NFIC: variants seen among roughly 807,000 people sequenced by gnomAD.
NFIC encodes nuclear factor I C, also known as nuclear factor 1 C-type.
In NFIC, 12 loss-of-function variants were observed where a neutral mutation model predicts 54.4. That is an observed-to-expected ratio of 0.22 (90% CI 0.14 to 0.36). The LOEUF is 0.36. Among genes scored for constraint, NFIC ranks in the 10% least tolerant of loss-of-function variants. The pLI, the probability that NFIC is intolerant of heterozygous loss-of-function variation, is 1.00. For synonymous variants in NFIC, 322 were observed against 319.2 expected, an observed-to-expected ratio of 1.01 and a Z score of -0.09; for missense variants, 575 against 718.2, an observed-to-expected ratio of 0.80 and a Z score of 2.28.
upstream of NFIC, among the ~76,000 whole-genome samples, chr19:3,362,687 A>G (rs1256019163): frequency 2.6e-5 from 4 of 151,846 alleles, no homozygotes; most frequent in Admixed American, 1.3e-4. Flanking sequence ...AACTCACTTG[A>G]CTTTAACATC....
upstream of NFIC, among the ~76,000 whole-genome samples, chr19:3,362,643 A>G (rs1025420727): frequency 1.3e-5 from 2 of 151,856 alleles, no homozygotes; most frequent in East Asian, 1.9e-4. Flanking sequence ...GTGTGTGTCT[A>G]TCTGTACCAG....
At chr19:3,393,280 G>A (rs922283139) in intron 2 of NFIC, among the ~76,000 whole-genome samples, 73 of 152,306 alleles carry the variant, frequency 4.8e-4, no homozygotes, top group Non-Finnish European at 1.0e-4. Context: ...AGGGGAGGTA[G>A]GGCCAGCAAG....
intron 10 of NFIC, among the ~76,000 whole-genome samples, chr19:3,460,812 C>T (rs1242829751): frequency 1.3e-5 from 2 of 152,040 alleles, no homozygotes; most frequent in African/African-American, 2.4e-5. Flanking sequence ...CCGAGCCCAG[C>T]CTCTTGTTTA....
At position 3,464,227 on chromosome 19, in the gene NFIC, GGA is replaced by G. The variant is rs1568207324; in HGVS notation, c.*1464_*1465del. On this transcript the variant is annotated 3_prime_UTR_variant, in exon 11 of 11. Coordinates refer to ENST00000443272, the MANE Select transcript of NFIC (RefSeq NM_001245002.2). ...CGTGCATCACGGCTGGGCCCCCAGAGGAGAGAGGAGGCCGACGCCAGCGGTCC... is the reference window on the plus strand; with the variant it reads ...CGTGCATCACGGCTGGGCCCCCAGAGGAGAGGAGGCCGACGCCAGCGGTCC... 2 of 985,224 alleles carry G rather than the reference GGA, an allele frequency of 2.0e-6. No individual in the cohort carries two copies. The highest frequency in any genetic ancestry group is 3.5e-5 in the African/African-American group (2 of 57,144). 61.0% of individuals were successfully genotyped at this position (985,224 alleles called of 1,614,324 possible). A position where few individuals can be genotyped will look rare whatever the true frequency, so the allele number is the denominator to read the frequency against.
chr19:3,456,783 G>T (rs916568196), intron 10 of NFIC, 148 bp downstream of exon 10: 3 of 774,520 alleles, frequency 3.9e-6, no homozygotes, highest in East Asian at 5.4e-5. Flanking sequence ...TGGGCCTCGA[G>T]CCCCCACCTG....
At chr19:3,418,675 A>C (rs1180187610) in intron 2 of NFIC, among the ~76,000 whole-genome samples, 1 of 152,102 alleles carries the variant, frequency 6.6e-6, no homozygotes, top group East Asian at 1.9e-4. Flanking sequence ...AACATGGCAA[A>C]ATCCTGTCTC....
At chr19:3,378,604 TCA>T (rs1326579386) in intron 1 of NFIC, among the ~76,000 whole-genome samples, 1 of 152,188 alleles carries the variant, frequency 6.6e-6, no homozygotes, top group Non-Finnish European at 1.5e-5. Flanking sequence ...CCTCAAGGCC[TCA>T]GTTTCCTCAT....
intron 7 of NFIC, among the ~76,000 whole-genome samples, chr19:3,451,687 C>T (rs2082465512): frequency 6.6e-6 from 1 of 151,742 alleles, no homozygotes; most frequent in Admixed American, 6.6e-5. Flanking sequence ...GCTTGCCAAC[C>T]CTAGATTTAT....
At chr19:3,427,485 G>GA in intron 3 of NFIC, among the ~76,000 whole-genome samples, 1 of 152,170 alleles carries the variant, frequency 6.6e-6, no homozygotes, top group East Asian at 1.9e-4. Flanking sequence ...ATGAAGCAGA[G>GA]AGAAGAAGAC....
rs1323910995 is a variant in NFIC, at chr19:3,429,248, ATATAT to A, written c.634+4072_634+4076del. Among the ~76,000 whole-genome samples, 538 of 60,212 alleles carry A rather than the reference ATATAT, an allele frequency of 8.9e-3. 72 individuals are homozygous for A. The East Asian group carries it at 0.092, about 10-fold the overall frequency. The allele number at this position is 60,212 out of a possible 152,430, so 39.5% of individuals were successfully genotyped here. A position where few individuals can be genotyped will look rare whatever the true frequency, so the allele number is the denominator to read the frequency against. On this transcript the variant is annotated intron_variant, in intron 3 of 10. Coordinates refer to ENST00000443272, the MANE Select transcript of NFIC (RefSeq NM_001245002.2). ...CTCTACCCCAAAAAAAAAAAAAAAAATATATACACACACACACACACACACACACA... is the reference window on the plus strand; with the variant it reads ...CTCTACCCCAAAAAAAAAAAAAAAAAACACACACACACACACACACACACA...
intron 2 of NFIC, among the ~76,000 whole-genome samples, chr19:3,411,870 A>T (rs2081767279): frequency 6.6e-6 from 1 of 152,168 alleles, no homozygotes; most frequent in African/African-American, 2.4e-5. Context: ...GACCAGCACC[A>T]GGTGCCACAT....
At chr19:3,422,672 A>G (rs1050642961) in intron 2 of NFIC, among the ~76,000 whole-genome samples, 1 of 151,822 alleles carries the variant, frequency 6.6e-6, no homozygotes, top group South Asian at 2.1e-4. Flanking sequence ...AGCCGAGATC[A>G]TGCCACTGCA....
At chr19:3,374,890 C>T (rs888497536) in intron 1 of NFIC, among the ~76,000 whole-genome samples, 2 of 152,102 alleles carry the variant, frequency 1.3e-5, no homozygotes, top group African/African-American at 4.8e-5. Flanking sequence ...GGCAGCAGGT[C>T]CATGACCCAG....
chr19:3,406,089 T>G (rs2081644533), intron 2 of NFIC, among the ~76,000 whole-genome samples: 1 of 151,802 alleles, frequency 6.6e-6, no homozygotes, highest in Admixed American at 6.6e-5. Flanking sequence ...CCCAGCTAAA[T>G]TTGGGTTTTG....
Position 3,381,781 on chromosome 19 carries a change from C to G in NFIC, c.100C>G (p.Leu34Val). The change falls in exon 2 of 11, where the codon CTG becomes GTG. Residue 34 changes from leucine to valine, a missense_variant. Leu to Val is a conservative substitution (Grantham distance 32). This residue lies in a region of NFIC where 122 missense variants were observed against 158.0 expected (regional missense o/e 0.77). Transcript: ENST00000443272. ...CGCCTTCGCCTACACCTGGTTCAAC[C>G]TGCAGGCGCGGAAGCGCAAGTACTT... ...VRAFAYTWFN[L>V]QARKRKYFKK... The G allele has an allele frequency of 6.2e-7, 1 of 1,613,982 alleles. No homozygotes were observed. The highest frequency in any genetic ancestry group is 8.5e-7 in the Non-Finnish European group (1 of 1,179,966).
chr19:3,461,316 G>A (rs567152669), intron 10 of NFIC, among the ~76,000 whole-genome samples: 7 of 152,110 alleles, frequency 4.6e-5, no homozygotes, highest in Non-Finnish European at 1.0e-4. Context: ...CCAGCTACTC[G>A]GGAGGCTGAG....
chr19:3,385,555 G>T lies in NFIC; in HGVS notation c.562+3312G>T, dbSNP rs541649114. 3.4e-5 allele frequency among the ~76,000 whole-genome samples: 5 copies of T among 147,406 alleles called. No homozygotes were observed. In the South Asian group the frequency reaches 6.5e-4, roughly 19 times the overall value. On this transcript the variant is annotated intron_variant, in intron 2 of 10. Coordinates refer to ENST00000443272, the MANE Select transcript of NFIC (RefSeq NM_001245002.2). Reference sequence around the variant, plus strand: ...TATTATTGGTTTGGGTTTTTTGGGGGTTTTTTTGGTTGTTGTTGTTTTTTT... The same window carrying T: ...TATTATTGGTTTGGGTTTTTTGGGGTTTTTTTTGGTTGTTGTTGTTTTTTT...
In NFIC at chr19:3,374,049, C is replaced by T. The variant is rs115053031; in HGVS notation, c.30+7383C>T. 1.2e-3 allele frequency among the ~76,000 whole-genome samples: 178 copies of T among 152,286 alleles called. 1 individual carries two copies. Among genetic ancestry groups the T allele is most frequent in the African/African-American group, 3.5e-3 (144 of 41,572 alleles). On this transcript the variant is annotated intron_variant, in intron 1 of 10. Coordinates refer to ENST00000443272, the MANE Select transcript of NFIC (RefSeq NM_001245002.2). ...ATTAGAACTAAGGCTTTGAAGGATGCGTAGGAATTTGGGATAAGTGCTAAG... is the reference window on the plus strand; with the variant it reads ...ATTAGAACTAAGGCTTTGAAGGATGTGTAGGAATTTGGGATAAGTGCTAAG...
intron 6 of NFIC, among the ~76,000 whole-genome samples, chr19:3,446,216 G>T (rs982280479): frequency 6.6e-6 from 1 of 152,238 alleles, no homozygotes; most frequent in African/African-American, 2.4e-5. Context: ...TCCTCACTCC[G>T]TGTGGATTTC....
Sources: gnomAD v4.1 joint callset for allele counts (sites outside exome capture counted in the v4.1 genomes callset) on GRCh38, gnomAD v4.1.1 for gene constraint, gnomAD v4.1.1 regional missense constraint, MANE v1.5 for transcripts, NCBI Gene and HGNC (gene_info 2026-07-23, HGNC 2026-07-21) for gene names.